The following TMEM232 variants were observed in gnomAD, a reference collection of about 807,000 sequenced individuals.
TMEM232 encodes the protein transmembrane protein 232.
TMEM232 carries 80 observed loss-of-function variants against 78.8 expected under a neutral mutation model. The ratio of observed to expected loss-of-function variants is 1.01; its 90% CI spans 0.85 to 1.22. TMEM232 has a LOEUF of 1.22. Ranked by LOEUF, TMEM232 falls within the 50% of genes most tolerant of loss-of-function variation. The pLI is 0.00. For missense variants in TMEM232, 881 were observed against 742.2 expected (o/e 1.19, Z -2.17); for synonymous variants, 297 against 254.3 (o/e 1.17, Z -1.60).
At chr5:110,388,384 C>T (rs575734389) in intron 4 of TMEM232, among the ~76,000 whole-genome samples, 1 of 152,224 alleles carries the variant, frequency 6.6e-6, no homozygotes, top group South Asian at 2.1e-4. Context: ...TAGTATATTC[C>T]TATCGGCACA....
intron 13 of TMEM232, among the ~76,000 whole-genome samples, chr5:110,423,445 C>A (rs772733198): frequency 6.6e-6 from 1 of 152,006 alleles, no homozygotes; most frequent in Non-Finnish European, 1.5e-5. Context: ...GTGATATATA[C>A]ATGAATACTG....
chr5:110,619,279 C>A lies in TMEM232; in HGVS notation c.769-717G>T, dbSNP rs1783341499. Among the ~76,000 whole-genome samples, 3 of 152,102 alleles carry A rather than the reference C, an allele frequency of 2.0e-5. No homozygotes were observed. In the South Asian group the frequency reaches 6.2e-4, roughly 32 times the overall value. On this transcript the variant is annotated intron_variant, in intron 7 of 13. Transcript: ENST00000455884. ...GAAACACTTAGAATCTAAAGGGCTT[C>A]ATAATTCTTATTTATTATATAAAAC...
intron 10 of TMEM232, among the ~76,000 whole-genome samples, chr5:110,579,755 G>C (rs925045472): frequency 2.0e-5 from 3 of 151,164 alleles, no homozygotes; most frequent in Admixed American, 1.3e-4. Flanking sequence ...AAAGAAGACA[G>C]AGCAGGAAAA....
intron 10 of TMEM232, among the ~76,000 whole-genome samples, chr5:110,572,716 C>T (rs1321710343): frequency 6.6e-6 from 1 of 151,990 alleles, no homozygotes; most frequent in African/African-American, 2.4e-5. Context: ...TAAAAGTGAG[C>T]TGTTCACCTG....
intron 10 of TMEM232, among the ~76,000 whole-genome samples, chr5:110,581,294 G>C (rs1234235580): frequency 6.6e-6 from 1 of 151,882 alleles, no homozygotes. Context: ...AGCCAAAACA[G>C]CATGGTACTA....
At chr5:110,587,663 GTATATATA>G (rs377139293) in intron 10 of TMEM232, among the ~76,000 whole-genome samples, 19 of 96,276 alleles carry the variant, frequency 2.0e-4, no homozygotes, top group African/African-American at 6.9e-4. Flanking sequence ...GTACATGTAT[GTATATATA>G]TATATATATA....
chr5:110,501,576 T>C (rs1766270614), intron 12 of TMEM232, among the ~76,000 whole-genome samples: 1 of 152,164 alleles, frequency 6.6e-6, no homozygotes, highest in Non-Finnish European at 1.5e-5. Context: ...GTGACCATTT[T>C]AAAGGTTCTC....
In TMEM232 at chr5:110,625,385, G is replaced by C; in HGVS notation, c.650C>G (p.Ser217Ter). 6.5e-7 allele frequency: 1 copy of C among 1,546,432 alleles called. No individual in the cohort carries two copies. Among genetic ancestry groups the C allele is most frequent in the Non-Finnish European group, 8.7e-7 (1 of 1,144,082 alleles). The change falls in exon 7 of 14, where the codon TCA (serine) becomes TGA (stop). Residue 217 changes from serine to a stop codon, truncating the protein, a stop_gained. Coordinates refer to ENST00000455884, the MANE Select transcript of TMEM232 (RefSeq NM_001039763.4). LOFTEE classifies it high-confidence loss of function. ...ASYHKYPNIF[S>*]NVQFILKASE... ...GGCTTTCAGGATGAATTGCACATTT[G>C]AAAAGATGTTTGGATACTTGTGATA...
At chr5:110,471,042 A>C (rs1339119731) in intron 12 of TMEM232, among the ~76,000 whole-genome samples, 1 of 152,218 alleles carries the variant, frequency 6.6e-6, no homozygotes, top group Non-Finnish European at 1.5e-5. Flanking sequence ...AAAGAGATAG[A>C]CATCATTAAA....
chr5:110,407,280 C>T (rs1171340351), intron 2 of TMEM232, among the ~76,000 whole-genome samples: 1 of 152,004 alleles, frequency 6.6e-6, no homozygotes, highest in Non-Finnish European at 1.5e-5. Context: ...CAAGACCTAA[C>T]TACATGTTGC....
chr5:110,625,184 T>C (rs943600002), intron 7 of TMEM232, 83 bp downstream of exon 7: 3 of 1,335,160 alleles, frequency 2.2e-6, no homozygotes, highest in African/African-American at 1.5e-5. Flanking sequence ...GTCTACTGTA[T>C]TGATAAGCAC....
intron 12 of TMEM232, among the ~76,000 whole-genome samples, chr5:110,430,849 C>G (rs966315476): frequency 6.6e-6 from 1 of 151,648 alleles, no homozygotes; most frequent in Admixed American, 6.6e-5. Flanking sequence ...TTTTAAAAAT[C>G]TGTTTAAAAG....
upstream of TMEM232, chr5:110,738,332 C>G: frequency 1.9e-6 from 2 of 1,068,354 alleles, no homozygotes; most frequent in Non-Finnish European, 2.4e-6. Flanking sequence ...ATTTCAATAC[C>G]CTGAGTGATT....
intron 12 of TMEM232, among the ~76,000 whole-genome samples, chr5:110,483,258 TTATAA>T: frequency 1.3e-5 from 2 of 152,108 alleles, no homozygotes; most frequent in East Asian, 3.9e-4. Context: ...TTTTTATAAG[TTATAA>T]TATAAATTGT....
At chr5:110,434,859 G>T (rs555080786) in intron 12 of TMEM232, among the ~76,000 whole-genome samples, 2 of 151,712 alleles carry the variant, frequency 1.3e-5, no homozygotes, top group East Asian at 3.9e-4. Flanking sequence ...TTTGATCATA[G>T]CCATTCATCA....
intron 1 of TMEM232, among the ~76,000 whole-genome samples, chr5:110,712,008 A>G (rs1796533567): frequency 6.8e-6 from 1 of 147,468 alleles, no homozygotes; most frequent in Non-Finnish European, 1.5e-5. Context: ...AGGCTGAGGG[A>G]GGAGAATGGC....
At chr5:110,502,522 T>C (rs1766383419) in intron 12 of TMEM232, among the ~76,000 whole-genome samples, 1 of 152,188 alleles carries the variant, frequency 6.6e-6, no homozygotes. Flanking sequence ...TAGACCATGA[T>C]CCTTTCTCTT....
intron 2 of TMEM232, among the ~76,000 whole-genome samples, chr5:110,648,925 C>T (rs756865626): frequency 2.7e-4 from 41 of 151,944 alleles, no homozygotes; most frequent in Non-Finnish European, 4.7e-4. Context: ...AGACTAGCTC[C>T]CATTTCTGTT....
At chr5:110,726,966 C>A (rs1012091608), upstream of TMEM232, among the ~76,000 whole-genome samples, 1 of 152,120 alleles carries the variant, frequency 6.6e-6, no homozygotes, top group African/African-American at 2.4e-5. Context: ...GCTGCTTCCC[C>A]AAAACAAACC....
Sources: allele counts gnomAD v4.1 joint callset (sites outside exome capture counted in the v4.1 genomes callset), GRCh38; gene constraint gnomAD v4.1.1; transcripts MANE v1.5; gene names NCBI Gene and HGNC (gene_info 2026-07-23, HGNC 2026-07-21).